Variants in GLIS3 observed in about 807,000 individuals in gnomAD.
The protein encoded by GLIS3 is zinc finger protein GLIS3.
GLIS3 carries 53 observed loss-of-function variants against 78.6 expected under a neutral mutation model. The ratio of observed to expected loss-of-function variants is 0.67; its 90% CI spans 0.54 to 0.85. GLIS3 has a LOEUF of 0.85. Among genes scored for constraint, GLIS3 ranks in the 40% least tolerant of loss-of-function variants. GLIS3 has a pLI of 0.00. For missense variants in GLIS3, 1,703 were observed against 1,231.1 expected, an observed-to-expected ratio of 1.38 and a Z score of -5.74; for synonymous variants, 684 against 509.9, an observed-to-expected ratio of 1.34 and a Z score of -4.60.
At chr9:4,406,634 A>G in the GLIS3 span, among the ~76,000 whole-genome samples, 3 of 152,234 alleles carry the variant, frequency 2.0e-5, no homozygotes, top group Non-Finnish European at 4.4e-5. Context: ...AACAAAAACC[A>G]GTAGCATTTC....
Position 4,068,250 on chromosome 9 carries a change from CATA to C in GLIS3, c.1710+49515_1710+49517del, listed in dbSNP as rs529768708. ...GTAATAAAAACAATAATTTTTAAAT[CATA>C]ATAATCAAATCCTAAAACTTCAGCG... On this transcript the variant is annotated intron_variant, in intron 4 of 10. Transcript: ENST00000381971. Among the ~76,000 whole-genome samples the C allele has an allele frequency of 1.8e-3, 281 of 152,112 alleles. 3 individuals are homozygous for C. Among genetic ancestry groups the C allele is most frequent in the African/African-American group, 6.5e-3 (272 of 41,532 alleles).
chr9:4,395,939 A>G, the GLIS3 span, among the ~76,000 whole-genome samples: 4 of 151,280 alleles, frequency 2.6e-5, no homozygotes, highest in Non-Finnish European at 5.9e-5. Flanking sequence ...ACGCCCAGCT[A>G]ATTTTTGTAT....
chr9:4,270,991 TAAATTA>T (rs1248277574), intron 2 of GLIS3, among the ~76,000 whole-genome samples: 4 of 151,932 alleles, frequency 2.6e-5, no homozygotes, highest in South Asian at 4.2e-4. Flanking sequence ...CACTTAAATA[TAAATTA>T]TTCTGCCTCA....
intron 4 of GLIS3, among the ~76,000 whole-genome samples, chr9:3,953,801 A>C (rs773355919): frequency 0.13 from 5,270 of 39,632 alleles, 101 homozygotes; most frequent in Non-Finnish European, 0.18. Flanking sequence ...CTCTCTATAT[A>C]TATATATATA....
intron 2 of GLIS3, among the ~76,000 whole-genome samples, chr9:4,238,057 C>G (rs1363988895): frequency 1.3e-5 from 2 of 152,150 alleles, no homozygotes; most frequent in African/African-American, 4.8e-5. Context: ...TTTCCTGTTG[C>G]CACCCTGTCC....
chr9:4,376,892 G>A, the GLIS3 span, among the ~76,000 whole-genome samples: 21 of 134,764 alleles, frequency 1.6e-4, 1 homozygote, highest in African/African-American at 4.7e-4. Context: ...GCAAATGCGC[G>A]TGTTCTTTGA....
intron 2 of GLIS3, among the ~76,000 whole-genome samples, chr9:4,251,910 T>G (rs1426061974): frequency 8.5e-5 from 13 of 152,228 alleles, no homozygotes; most frequent in Non-Finnish European, 4.4e-5. Context: ...AATTCTTTCC[T>G]TTAAGAATGT....
the GLIS3 span, among the ~76,000 whole-genome samples, chr9:4,387,831 G>C: frequency 2.0e-5 from 3 of 152,258 alleles, no homozygotes; most frequent in South Asian, 4.1e-4. Context: ...TTTCACAAGA[G>C]AATTTAAAAG....
chr9:4,322,373 T>C (rs1048285101), intron 2 of GLIS3, among the ~76,000 whole-genome samples: 1 of 152,204 alleles, frequency 6.6e-6, no homozygotes, highest in African/African-American at 2.4e-5. Context: ...ACATGATTTA[T>C]AATCCTTTGG....
chr9:4,238,640 AAAAAC>A (rs989085424), intron 2 of GLIS3, among the ~76,000 whole-genome samples: 1 of 152,210 alleles, frequency 6.6e-6, no homozygotes, highest in Non-Finnish European at 1.5e-5. Flanking sequence ...CTTCATAACC[AAAAAC>A]AAAACAAAAC....
At chr9:4,457,126 G>A in the GLIS3 span, among the ~76,000 whole-genome samples, 1 of 152,112 alleles carries the variant, frequency 6.6e-6, no homozygotes, top group Non-Finnish European at 1.5e-5. Flanking sequence ...GCTTTGGGAG[G>A]CTGAGGTGGG....
At chr9:4,272,257 T>A (rs1208037323) in intron 2 of GLIS3, among the ~76,000 whole-genome samples, 1 of 152,244 alleles carries the variant, frequency 6.6e-6, no homozygotes, top group African/African-American at 2.4e-5. Context: ...GTTTCTCTGC[T>A]TCAGCTTGCT....
At chr9:4,271,104 C>G (rs956379694) in intron 2 of GLIS3, among the ~76,000 whole-genome samples, 2 of 152,040 alleles carry the variant, frequency 1.3e-5, no homozygotes, top group Non-Finnish European at 2.9e-5. Flanking sequence ...TTATGATGAT[C>G]CACTTCTACT....
In GLIS3 at chr9:4,268,242, A is replaced by AACT. The variant is rs1003141075; in HGVS notation, c.388+17793_388+17795dup. Among the ~76,000 whole-genome samples the AACT allele has an allele frequency of 8.1e-4, 124 of 152,158 alleles. 1 individual carries two copies. Among genetic ancestry groups the AACT allele is most frequent in the Non-Finnish European group, 1.0e-3 (70 of 67,968 alleles). On this transcript the variant is annotated intron_variant, in intron 2 of 10. Transcript: ENST00000381971. ...CAGGAGTCATAATAACAACAACAAC[A>AACT]ACTAACATAATGGTACCCACTCCAC... is the stretch of plus-strand genomic sequence containing the variant.
At chr9:4,178,255 C>T (rs1225334738) in intron 2 of GLIS3, among the ~76,000 whole-genome samples, 3 of 151,698 alleles carry the variant, frequency 2.0e-5, no homozygotes, top group Non-Finnish European at 4.4e-5. Context: ...AAAATTTCTG[C>T]CCCCACAATT....
chr9:4,025,467 A>C (rs970583901), intron 4 of GLIS3, among the ~76,000 whole-genome samples: 25 of 152,088 alleles, frequency 1.6e-4, no homozygotes, highest in African/African-American at 5.8e-4. Context: ...GGCTCACCGC[A>C]ACCTCCGACT....
chr9:4,012,096 A>C (rs186910636), intron 4 of GLIS3, among the ~76,000 whole-genome samples: 3 of 152,258 alleles, frequency 2.0e-5, no homozygotes, highest in Non-Finnish European at 2.9e-5. Context: ...ACCCCTTCTA[A>C]CTTTTCTATG....
intron 2 of GLIS3, among the ~76,000 whole-genome samples, chr9:4,223,052 T>C (rs1416409335): frequency 6.6e-6 from 1 of 152,144 alleles, no homozygotes; most frequent in East Asian, 1.9e-4. Context: ...AGATCACTTT[T>C]TGAGTACAGA....
intron 4 of GLIS3, among the ~76,000 whole-genome samples, chr9:3,946,714 A>G (rs1398914081): frequency 6.6e-6 from 1 of 152,222 alleles, no homozygotes; most frequent in African/African-American, 2.4e-5. Context: ...CCCTTTTCCA[A>G]ATCTGAGCTA....
Sources: gnomAD v4.1 joint callset for allele counts (sites outside exome capture counted in the v4.1 genomes callset) on GRCh38, gnomAD v4.1.1 for gene constraint, MANE v1.5 for transcripts, NCBI Gene and HGNC (gene_info 2026-07-23, HGNC 2026-07-21) for gene names.